The following SAMD4A variants were observed in gnomAD, a reference collection of about 807,000 sequenced individuals.
SAMD4A encodes the protein protein Smaug homolog 1.
In SAMD4A, 33 loss-of-function variants were observed where a neutral mutation model predicts 81.3. The observed-to-expected ratio is 0.41, with a 90% CI of 0.31 to 0.54. The LOEUF (loss-of-function observed/expected upper bound fraction) is 0.54. Among genes scored for constraint, SAMD4A ranks in the 20% least tolerant of loss-of-function variants. The pLI, the probability that SAMD4A is intolerant of heterozygous loss-of-function variation, is 0.37. For missense variants in SAMD4A, 854 were observed against 951.1 expected (o/e 0.90, Z 1.34); for synonymous variants, 389 against 382.1 (o/e 1.02, Z -0.21).
intron 11 of SAMD4A, among the ~76,000 whole-genome samples, chr14:54,783,973 G>A (rs1263276742): frequency 6.6e-6 from 1 of 152,206 alleles, no homozygotes; most frequent in African/African-American, 2.4e-5. Context: ...TGACAGCTGT[G>A]GGCGAAGGCT....
At chr14:54,711,014 CT>C (rs2036976861) in intron 3 of SAMD4A, among the ~76,000 whole-genome samples, 1 of 152,172 alleles carries the variant, frequency 6.6e-6, no homozygotes, top group Non-Finnish European at 1.5e-5. Flanking sequence ...CAATATGCCC[CT>C]CTAGGCAACC....
At chr14:54,599,074 C>A (rs888204226) in intron 2 of SAMD4A, among the ~76,000 whole-genome samples, 23 of 152,214 alleles carry the variant, frequency 1.5e-4, no homozygotes, top group Non-Finnish European at 2.9e-4. Flanking sequence ...CCCACCTCGG[C>A]CTCCCAAAGT....
intron 2 of SAMD4A, among the ~76,000 whole-genome samples, chr14:54,619,540 AT>A (rs954946483): frequency 4.6e-5 from 7 of 151,932 alleles, no homozygotes; most frequent in Admixed American, 1.3e-4. Context: ...TGTTTTAATC[AT>A]TTTTTTTAAT....
At chr14:54,706,761 G>T (rs1282974311) in intron 3 of SAMD4A, among the ~76,000 whole-genome samples, 2 of 152,054 alleles carry the variant, frequency 1.3e-5, no homozygotes, top group Non-Finnish European at 2.9e-5. Flanking sequence ...AAGGGACGGG[G>T]GTCACAGTGT....
chr14:54,735,611 T>C (rs1366767155), intron 3 of SAMD4A, among the ~76,000 whole-genome samples: 1 of 152,162 alleles, frequency 6.6e-6, no homozygotes, highest in Non-Finnish European at 1.5e-5. Flanking sequence ...AGGCCTGAGC[T>C]CCGTGGCTCT....
At chr14:54,745,118 C>G (rs1418315997) in intron 4 of SAMD4A, among the ~76,000 whole-genome samples, 4 of 152,204 alleles carry the variant, frequency 2.6e-5, no homozygotes, top group Non-Finnish European at 5.9e-5. Flanking sequence ...AAGTTCAGGT[C>G]CTGGCCTTCA....
Position 54,784,556 on chromosome 14 carries a change from C to T in SAMD4A, c.2064C>T (p.Thr688=), listed in dbSNP as rs146969507. 1,022 of 1,614,136 alleles carry T rather than the reference C, an allele frequency of 6.3e-4. 5 individuals are homozygous for T. In the African/African-American group the frequency reaches 8.8e-3, roughly 14 times the overall value. The change falls in exon 12 of 13, where the codon ACC becomes ACT. Residue 688 remains threonine (T), a synonymous_variant. Coordinates refer to ENST00000554335, the MANE Select transcript of SAMD4A (RefSeq NM_015589.6). The stretch of plus-strand genomic sequence containing the variant: ...CTGCAGAATTCCAGCTTCCCGTGAC[C>T]GAACCTGACATCAACAACAGGCTGG... ...FQQPEFQLPV[T]EPDINNRLES... is the part of the protein sequence containing the mutation.
chr14:54,767,222 G>A (rs759367761), intron 8 of SAMD4A, among the ~76,000 whole-genome samples: 3 of 152,196 alleles, frequency 2.0e-5, no homozygotes, highest in African/African-American at 7.2e-5. Context: ...GTGAGGCCCC[G>A]TGAAGGCGCA....
chr14:54,622,724 A>G (rs1214731635), intron 2 of SAMD4A, among the ~76,000 whole-genome samples: 3 of 152,184 alleles, frequency 2.0e-5, no homozygotes, highest in Non-Finnish European at 4.4e-5. Context: ...TTCAGCCCTC[A>G]TGGTTCTGAT....
chr14:54,568,128 C>A lies in SAMD4A; in HGVS notation c.196+16C>A. 6.9e-7 allele frequency: 1 copy of A among 1,453,380 alleles called. No individual in the cohort carries two copies. Among genetic ancestry groups the A allele is most frequent in the Non-Finnish European group, 9.0e-7 (1 of 1,108,528 alleles). The allele number at this position is 1,453,380 out of a possible 1,614,324, so 90.0% of individuals were successfully genotyped here. A position where few individuals can be genotyped will look rare whatever the true frequency, so the allele number is the denominator to read the frequency against. On this transcript the variant is annotated intron_variant, in intron 2 of 12. Transcript: ENST00000554335. ...AACAGCCCCGGTAAGTGTGCGGCGG[C>A]CGCCGCCGCCGTCCCGCCTGCCCAA...
At chr14:54,684,933 T>G (rs1036860204) in intron 2 of SAMD4A, among the ~76,000 whole-genome samples, 19 of 152,182 alleles carry the variant, frequency 1.2e-4, no homozygotes, top group African/African-American at 4.3e-4. Context: ...TACCAGGTTT[T>G]CAAAGAGGCA....
At chr14:54,678,709 C>T (rs1362763202) in intron 2 of SAMD4A, among the ~76,000 whole-genome samples, 2 of 151,982 alleles carry the variant, frequency 1.3e-5, no homozygotes, top group Non-Finnish European at 1.5e-5. Flanking sequence ...CCATCGCTTC[C>T]GGCTAATTTT....
intron 2 of SAMD4A, among the ~76,000 whole-genome samples, chr14:54,584,423 A>G (rs774292818): frequency 1.8e-4 from 28 of 152,202 alleles, no homozygotes; most frequent in Admixed American, 6.5e-5. Flanking sequence ...TTGCTGTTCT[A>G]CTAGGCTTTA....
chr14:54,751,420 C>CATTTAAATGTAT, intron 5 of SAMD4A, 31 bp from the exon 6 acceptor site: 3 of 1,300,372 alleles, frequency 2.3e-6, no homozygotes, highest in Non-Finnish European at 3.3e-6. Flanking sequence ...TTTAAATATA[C>CATTTAAATGTAT]ATTTAAATGT....
chr14:54,748,759 T>C, intron 4 of SAMD4A, 56 bp from the exon 5 acceptor site: 1 of 1,206,968 alleles, frequency 8.3e-7, no homozygotes, highest in Non-Finnish European at 1.2e-6. Context: ...TCTCTCGTCA[T>C]CTCTTCTCAT....
chr14:54,705,385 T>C (rs1365321858), intron 3 of SAMD4A, among the ~76,000 whole-genome samples: 2 of 152,172 alleles, frequency 1.3e-5, no homozygotes, highest in Non-Finnish European at 2.9e-5. Flanking sequence ...AGAAATTGGG[T>C]TGGACTTAAG....
At chr14:54,590,075 T>C (rs763088729) in intron 2 of SAMD4A, among the ~76,000 whole-genome samples, 42 of 152,242 alleles carry the variant, frequency 2.8e-4, no homozygotes, top group Non-Finnish European at 4.6e-4. Context: ...AAAAATAGTT[T>C]GTGGGATATA....
intron 3 of SAMD4A, among the ~76,000 whole-genome samples, chr14:54,734,266 A>G (rs754269883): frequency 6.6e-6 from 1 of 152,214 alleles, no homozygotes; most frequent in Non-Finnish European, 1.5e-5. Flanking sequence ...GAGGTGTGGC[A>G]TTCAGCCTGG....
chr14:54,751,930 C>G (rs2038112018), intron 6 of SAMD4A, among the ~76,000 whole-genome samples: 1 of 152,192 alleles, frequency 6.6e-6, no homozygotes, highest in Non-Finnish European at 1.5e-5. Context: ...GTGCTTTGGT[C>G]TCACTGTCCT....
Sources: allele counts gnomAD v4.1 joint callset (sites outside exome capture counted in the v4.1 genomes callset), GRCh38; gene constraint gnomAD v4.1.1; transcripts MANE v1.5; gene names NCBI Gene and HGNC (gene_info 2026-07-23, HGNC 2026-07-21).